Variants in JAKMIP3 observed in about 807,000 individuals in gnomAD.
The protein encoded by JAKMIP3 is janus kinase and microtubule-interacting protein 3.
In JAKMIP3, 58 loss-of-function variants were observed where a neutral mutation model predicts 118.5. The observed-to-expected ratio is 0.49, with a 90% CI of 0.40 to 0.61. JAKMIP3 has a LOEUF of 0.61. Among genes scored for constraint, JAKMIP3 ranks in the 20% least tolerant of loss-of-function variants. The probability of loss-of-function intolerance (pLI) is 0.00; values close to 1 mark genes in which losing one functional copy is unlikely to be tolerated. For synonymous variants in JAKMIP3, 486 were observed against 451.2 expected (o/e 1.08, Z -0.98); for missense variants, 950 against 1,109.0 (o/e 0.86, Z 2.04).
rs376982938 is a variant in JAKMIP3, at chr10:132,054,543, G to T, written c.-138+17805G>T. Among the ~76,000 whole-genome samples, 5 of 152,152 alleles carry T rather than the reference G, an allele frequency of 3.3e-5. No homozygotes were observed. In the South Asian group the frequency reaches 6.2e-4, roughly 19 times the overall value. Reference sequence around the variant, plus strand: ...TACAGGTGGGGTGTGTATGAGTCTGGGCCGGAACCACCCCTGGGTAGCCCA... The same window carrying T: ...TACAGGTGGGGTGTGTATGAGTCTGTGCCGGAACCACCCCTGGGTAGCCCA... On this transcript the variant is annotated intron_variant, in intron 1 of 23. Transcript: ENST00000657785.
Position 132,135,104 on chromosome 10 carries a change from AT to A in JAKMIP3, c.915del (p.Ile306SerfsTer19). On this transcript the variant is annotated frameshift_variant, in exon 5 of 24. Transcript: ENST00000684848. The part of the protein sequence containing the change: ...FQLKIAELSA[I>X]IRKLEDRNAL... ...GCTTAAAATCGCGGAGTTAAGTGCGATTATCCGCAAACTGGAGGACCGCAAT... is the reference window on the plus strand; with the variant it reads ...GCTTAAAATCGCGGAGTTAAGTGCGATATCCGCAAACTGGAGGACCGCAAT... 2 of 1,613,518 alleles carry A rather than the reference AT, an allele frequency of 1.2e-6. No individual in the cohort carries two copies. The highest frequency in any genetic ancestry group is 1.7e-6 in the Non-Finnish European group (2 of 1,179,546).
intron 13 of JAKMIP3, among the ~76,000 whole-genome samples, chr10:132,147,742 G>T (rs2054919124): frequency 6.6e-6 from 1 of 152,242 alleles, no homozygotes; most frequent in Admixed American, 6.5e-5. Context: ...GGTGCTGCCT[G>T]CCCAGCCCCA....
At chr10:132,070,333 A>G (rs1032759483) in intron 1 of JAKMIP3, among the ~76,000 whole-genome samples, 9 of 152,066 alleles carry the variant, frequency 5.9e-5, no homozygotes, top group African/African-American at 1.9e-4. Flanking sequence ...TTTTTAGTAG[A>G]GATGGGGTTT....
At chr10:132,081,664 C>T (rs1409202534) in intron 1 of JAKMIP3, among the ~76,000 whole-genome samples, 3 of 152,110 alleles carry the variant, frequency 2.0e-5, no homozygotes, top group African/African-American at 7.2e-5. Context: ...TATTCTTGTC[C>T]TCCTGTTCTT....
chr10:132,145,972 C>T (rs1245005514), intron 13 of JAKMIP3, among the ~76,000 whole-genome samples: 2 of 152,216 alleles, frequency 1.3e-5, no homozygotes, highest in Non-Finnish European at 2.9e-5. Context: ...CTCCTTCCAG[C>T]AACGCTTGTG....
At chr10:132,108,901 T>TGTATATATAAATTATAC in intron 2 of JAKMIP3, among the ~76,000 whole-genome samples, 1 of 144,634 alleles carries the variant, frequency 6.9e-6, no homozygotes, top group African/African-American at 2.7e-5. Context: ...ATAAATTATA[T>TGTATATATAAATTATAC]ACGCAAATGT....
At chr10:132,170,683 C>T (rs1042120012) in intron 23 of JAKMIP3, among the ~76,000 whole-genome samples, 2 of 152,186 alleles carry the variant, frequency 1.3e-5, no homozygotes, top group African/African-American at 4.8e-5. Context: ...AGACAGGCCA[C>T]ACCGTCATCA....
At chr10:132,131,063 C>T (rs572962230) in intron 3 of JAKMIP3, among the ~76,000 whole-genome samples, 132 of 152,064 alleles carry the variant, frequency 8.7e-4, no homozygotes, top group African/African-American at 3.0e-3. Flanking sequence ...GCCTGCACAC[C>T]CCCTGTCCTG....
chr10:132,153,056 G>T (rs767945664), intron 17 of JAKMIP3, 33 bp downstream of exon 17: 2 of 1,559,378 alleles, frequency 1.3e-6, no homozygotes, highest in South Asian at 1.2e-5. Flanking sequence ...TCGGGAGAGG[G>T]CCGGGCTCCT....
At chr10:132,094,561 G>C (rs2043586524) in intron 1 of JAKMIP3, among the ~76,000 whole-genome samples, 1 of 152,110 alleles carries the variant, frequency 6.6e-6, no homozygotes, top group Admixed American at 6.5e-5. Flanking sequence ...AGTCTACCAG[G>C]CTCTGGGCTG....
chr10:132,054,232 C>G (rs374189781), intron 1 of JAKMIP3, among the ~76,000 whole-genome samples: 6 of 151,838 alleles, frequency 4.0e-5, no homozygotes, highest in Admixed American at 1.3e-4. Context: ...AACTGTGGCT[C>G]GGAGGAGCTG....
At chr10:132,108,351 T>G (rs1225322323) in intron 2 of JAKMIP3, among the ~76,000 whole-genome samples, 1 of 103,494 alleles carries the variant, frequency 9.7e-6, no homozygotes, top group African/African-American at 3.3e-5. Flanking sequence ...CTCCCAGCCC[T>G]TTCATCCTGC....
chr10:132,058,011 C>A (rs1235511099), intron 1 of JAKMIP3, among the ~76,000 whole-genome samples: 2 of 152,218 alleles, frequency 1.3e-5, no homozygotes, highest in African/African-American at 4.8e-5. Flanking sequence ...AGATCCTCGG[C>A]CCCTGACGAC....
chr10:132,147,060 A>C (rs2054760543), intron 13 of JAKMIP3, among the ~76,000 whole-genome samples: 1 of 152,228 alleles, frequency 6.6e-6, no homozygotes, highest in South Asian at 2.1e-4. Flanking sequence ...ACACATGCGC[A>C]TGTGCACACT....
rs1050289981 is a variant in JAKMIP3 at position 132,149,397 on chromosome 10, G to A, written c.1849-15G>A. On this transcript the variant is annotated splice_polypyrimidine_tract_variant and intron_variant, in intron 14 of 23. Coordinates refer to ENST00000684848, the MANE Select transcript of JAKMIP3 (RefSeq NM_001323087.2). ...TGGGAGGGGAGCGGCTCACCCTTCT[G>A]TCCCTCTGTCCTAGGAGAGGGAGAG... 1 of 1,552,032 alleles carries A rather than the reference G, an allele frequency of 6.4e-7. No individual in the cohort carries two copies. Among genetic ancestry groups the A allele is most frequent in the African/African-American group, 1.4e-5 (1 of 73,656 alleles).
intron 2 of JAKMIP3, among the ~76,000 whole-genome samples, chr10:132,107,796 C>T (rs558813660): frequency 8.5e-5 from 13 of 152,226 alleles, no homozygotes; most frequent in East Asian, 1.9e-4. Context: ...CAGGCTGATT[C>T]GATTCTCGGC....
At chr10:132,036,927 C>A (rs1273802411) in intron 1 of JAKMIP3, among the ~76,000 whole-genome samples, 1 of 152,028 alleles carries the variant, frequency 6.6e-6, no homozygotes, top group East Asian at 1.9e-4. Context: ...CCCGGCGGTC[C>A]CCCCGTGGGC....
In JAKMIP3 at chr10:132,149,617, C is replaced by T. The variant is rs1228097938; in HGVS notation, c.1947+107C>T. 10 of 208,872 alleles carry T rather than the reference C, an allele frequency of 4.8e-5. No individual in the cohort carries two copies. The African/African-American group carries it at 5.9e-4, about 12-fold the overall frequency. The allele number at this position is 208,872 out of a possible 1,614,324, so 12.9% of individuals were successfully genotyped here. ...CCTCCGCCCCCGCCCCACCCCCCTCCGCCCCCGCCCCACCCCCTCCGCCCC... is the reference window on the plus strand; with the variant it reads ...CCTCCGCCCCCGCCCCACCCCCCTCTGCCCCCGCCCCACCCCCTCCGCCCC... On this transcript the variant is annotated intron_variant, in intron 15 of 23. Coordinates refer to ENST00000684848, the MANE Select transcript of JAKMIP3 (RefSeq NM_001323087.2).
chr10:132,041,158 C>T (rs1414312351), intron 1 of JAKMIP3, among the ~76,000 whole-genome samples: 4 of 152,150 alleles, frequency 2.6e-5, no homozygotes, highest in African/African-American at 4.8e-5. Context: ...TGGGGTCAAG[C>T]GACTCTCATG....
Sources: gnomAD v4.1 joint callset for allele counts (sites outside exome capture counted in the v4.1 genomes callset) on GRCh38, gnomAD v4.1.1 for gene constraint, MANE v1.5 for transcripts, NCBI Gene and HGNC (gene_info 2026-07-23, HGNC 2026-07-21) for gene names.